MUCL3: variants seen among roughly 807,000 people sequenced by gnomAD.
MUCL3 encodes the protein mucin like 3, also known as mucin-like protein 3.
A neutral mutation model predicts 70.2 loss-of-function variants in MUCL3; 42 were observed. The observed-to-expected ratio is 0.60, with a 90% CI of 0.47 to 0.77. The LOEUF is 0.77. MUCL3 is among the 30% of genes least tolerant of loss of function. The pLI is 0.00. For synonymous variants in MUCL3, 522 were observed against 647.0 expected (o/e 0.81, Z 2.93); for missense variants, 1,429 against 1,670.0 (o/e 0.86, Z 2.52).
rs533477637 is a variant in MUCL3 at position 30,944,164 on chromosome 6, T to G, written c.82+3083T>G. Among the ~76,000 whole-genome samples, 22 of 152,308 alleles carry G rather than the reference T, an allele frequency of 1.4e-4. No individual in the cohort carries two copies. In the South Asian group the frequency reaches 4.6e-3, roughly 32 times the overall value. ...CTGACAGCGACTCCAAGGCATGAGTTGCTTAGCAAGATATTCTTTCTCCCT... is the reference window on the plus strand; with the variant it reads ...CTGACAGCGACTCCAAGGCATGAGTGGCTTAGCAAGATATTCTTTCTCCCT... On this transcript the variant is annotated intron_variant, in intron 1 of 2. Coordinates refer to ENST00000462446, the MANE Select transcript of MUCL3 (RefSeq NM_080870.4).
intron 1 of MUCL3, among the ~76,000 whole-genome samples, chr6:30,944,647 T>C (rs75787378): frequency 0.18 from 27,996 of 152,186 alleles, 3,436 homozygotes; most frequent in African/African-American, 0.35. Context: ...GTTTTGATGT[T>C]GTGGGATTTG....
rs748880874 is a variant in MUCL3 at position 30,953,131 on chromosome 6, G to A, written c.*14G>A. On this transcript the variant is annotated 3_prime_UTR_variant, in exon 3 of 3. Coordinates refer to ENST00000462446, the MANE Select transcript of MUCL3 (RefSeq NM_080870.4). ...TCCCCACGGTGATCTTGGAGTAGGC[G>A]CCCAGCCCTGGCTCTTCCATGCTCT... 43 of 1,612,972 alleles carry A rather than the reference G, an allele frequency of 2.7e-5. No individual in the cohort carries two copies. Among genetic ancestry groups the A allele is most frequent in the African/African-American group, 2.5e-4 (19 of 74,940 alleles).
chr6:30,941,477 T>TTTTTG (rs1795575412), intron 1 of MUCL3, among the ~76,000 whole-genome samples: 1 of 124,170 alleles, frequency 8.1e-6, no homozygotes. Flanking sequence ...TTTTTTTTTT[T>TTTTTG]GAGAAGGAGT....
In MUCL3 at chr6:30,950,306, C is replaced by T. The variant is rs536894879; in HGVS notation, c.1842C>T (p.Asn614=). The T allele has an allele frequency of 1.3e-6, 2 of 1,547,532 alleles. No homozygotes were observed. Among genetic ancestry groups the T allele is most frequent in the South Asian group, 1.2e-5 (1 of 83,892 alleles). ...AAAGGACTCCACTGGCCAATGAGAA[C>T]ACCACACCATCCCCGGCAGAGCCTA... The part of the protein sequence containing the change: ...HEERTPLANE[N]TTPSPAEPTE... The change falls in exon 2 of 3, where the codon AAC becomes AAT. Residue 614 remains asparagine, a synonymous_variant. Coordinates refer to ENST00000462446, the MANE Select transcript of MUCL3 (RefSeq NM_080870.4).
rs1415492185 is a variant in MUCL3, at chr6:30,952,189, T to C, written c.3725T>C (p.Ile1242Thr). The C allele has an allele frequency of 3.1e-6, 5 of 1,613,836 alleles. No individual in the cohort carries two copies. Among genetic ancestry groups the C allele is most frequent in the Admixed American group, 3.3e-5 (2 of 59,978 alleles). Residue 1242 changes from isoleucine to threonine, a missense_variant, in exon 2 of 3, where the codon ATA becomes ACA. Transcript: ENST00000462446. ...PEKTAAVTKT[I>T]KPSVKVTGDK... is the part of the protein sequence containing the mutation. ...AAAACAGCAGCAGTCACAAAGACTA[T>C]AAAACCTTCAGTCAAGGTCACAGGA...
intron 1 of MUCL3, among the ~76,000 whole-genome samples, chr6:30,947,446 G>A (rs1449786610): frequency 3.3e-5 from 5 of 152,008 alleles, no homozygotes; most frequent in Non-Finnish European, 7.4e-5. Flanking sequence ...TCCGGTTGCC[G>A]CCTTGAGCTA....
At chr6:30,948,023 T>G (rs144720649) in intron 1 of MUCL3, among the ~76,000 whole-genome samples, 1 of 152,250 alleles carries the variant, frequency 6.6e-6, no homozygotes, top group African/African-American at 2.4e-5. Context: ...AGTCTAACGT[T>G]TACTCCTGGT....
intron 1 of MUCL3, among the ~76,000 whole-genome samples, chr6:30,944,711 T>C (rs754386430): frequency 6.6e-6 from 1 of 152,254 alleles, no homozygotes; most frequent in African/African-American, 2.4e-5. Flanking sequence ...TGTGCTAAAG[T>C]TGGATTTTCC....
At position 30,941,054 on chromosome 6, in the gene MUCL3, CT is replaced by C; in HGVS notation, c.56del (p.Leu19ProfsTer4). 6.4e-7 allele frequency: 1 copy of C among 1,550,756 alleles called. No homozygotes were observed. The highest frequency in any genetic ancestry group is 8.7e-7 in the Non-Finnish European group (1 of 1,146,994). ...CSAFGLQCCL[L>X]FLLASWGAGA... is the part of the protein sequence containing the mutation. ...CGCCTTTGGCCTCCAGTGCTGCCTC[CT>C]CTTCCTTCTAGCTTCTTGGGGGGCA... On this transcript the variant is annotated frameshift_variant, in exon 1 of 3. Coordinates refer to ENST00000462446, the MANE Select transcript of MUCL3 (RefSeq NM_080870.4). LOFTEE classifies it high-confidence loss of function.
Position 30,951,138 on chromosome 6 carries a change from A to T in MUCL3, c.2674A>T (p.Lys892Ter). The change falls in exon 2 of 3, where the codon AAG becomes TAG. Residue 892 changes from lysine to a stop codon, truncating the protein, a stop_gained. Transcript: ENST00000462446. LOFTEE classifies it high-confidence loss of function. ...HEEMTPLANE[K>*]TTLSPAEPTE... ...AGAAATGACCCCATTGGCCAATGAG[A>T]AGACCACACTATCCCCAGCAGAGCC... 1 of 1,551,932 alleles carries T rather than the reference A, an allele frequency of 6.4e-7. No individual in the cohort carries two copies. Among genetic ancestry groups the T allele is most frequent in the Non-Finnish European group, 8.7e-7 (1 of 1,147,042 alleles).
chr6:30,945,473 TAAA>T (rs11441516), intron 1 of MUCL3, among the ~76,000 whole-genome samples: 3 of 114,138 alleles, frequency 2.6e-5, no homozygotes, highest in South Asian at 3.0e-4. Flanking sequence ...CCCTGCGTCT[TAAA>T]AAAAAAAAAA....
chr6:30,943,859 T>C (rs1582246026), intron 1 of MUCL3, among the ~76,000 whole-genome samples: 1 of 132,070 alleles, frequency 7.6e-6, no homozygotes, highest in South Asian at 2.4e-4. Context: ...TTAGCTTTCC[T>C]TTTTTTTTTT....
Position 30,952,396 on chromosome 6 carries a change from C to G in MUCL3, c.3932C>G (p.Ala1311Gly), listed in dbSNP as rs1760756406. The G allele has an allele frequency of 6.2e-7, 1 of 1,614,084 alleles. No individual in the cohort carries two copies. Among genetic ancestry groups the G allele is most frequent in the African/African-American group, 1.3e-5 (1 of 74,918 alleles). Residue 1311 changes from alanine to glycine, a missense_variant, in exon 2 of 3, where the codon GCT (alanine) becomes GGT (glycine). Ala to Gly is a moderately conservative substitution (Grantham distance 60). Transcript: ENST00000462446. ...NKDGSQKGIH[A>G]GQMGENDSFP... ...GATGGCTCACAGAAAGGTATCCACGCTGGACAGATGGGAGAGAATGATTCA... is the reference window on the plus strand; with the variant it reads ...GATGGCTCACAGAAAGGTATCCACGGTGGACAGATGGGAGAGAATGATTCA...
chr6:30,943,633 A>T (rs1315672891), intron 1 of MUCL3, among the ~76,000 whole-genome samples: 1 of 152,236 alleles, frequency 6.6e-6, no homozygotes, highest in Non-Finnish European at 1.5e-5. Flanking sequence ...ACCATCTGAG[A>T]GAGTACAGGT....
chr6:30,951,494 T>C lies in MUCL3; in HGVS notation c.3030T>C (p.Asn1010=), dbSNP rs1160120778. ...CAGAACATGGAGAAAGGACAGCCAATGAGAAGACCACACCATCCCCAGCAG... is the reference window on the plus strand; with the variant it reads ...CAGAACATGGAGAAAGGACAGCCAACGAGAAGACCACACCATCCCCAGCAG... ...ESTEHGERTA[N]EKTTPSPAEP... Residue 1010 remains asparagine, a synonymous_variant, in exon 2 of 3, where the codon AAT becomes AAC. Transcript: ENST00000462446. The C allele has an allele frequency of 1.9e-6, 3 of 1,550,440 alleles. No individual in the cohort carries two copies. The highest frequency in any genetic ancestry group is 2.6e-6 in the Non-Finnish European group (3 of 1,146,790).
Position 30,952,109 on chromosome 6 carries a change from C to G in MUCL3, c.3645C>G (p.Thr1215=), listed in dbSNP as rs975361900. 9 of 1,610,232 alleles carry G rather than the reference C, an allele frequency of 5.6e-6. No homozygotes were observed. The highest frequency in any genetic ancestry group is 7.6e-6 in the Non-Finnish European group (9 of 1,179,102). Reference sequence around the variant, plus strand: ...AGCCTACAGAAAACCTGGGGAACACCACACTGACCACTGAGACCATAAAAG... The same window carrying G: ...AGCCTACAGAAAACCTGGGGAACACGACACTGACCACTGAGACCATAAAAG... ...PEKPTENLGN[T]TLTTETIKAP... is the part of the protein sequence containing the mutation. Residue 1215 remains threonine (T), a synonymous_variant, in exon 2 of 3, where the codon ACC becomes ACG. Coordinates refer to ENST00000462446, the MANE Select transcript of MUCL3 (RefSeq NM_080870.4).
In MUCL3 at chr6:30,949,530, C is replaced by G. The variant is rs1016542016; in HGVS notation, c.1066C>G (p.Leu356Val). ...AATGACAGCCAATGAGAATACCACA[C>G]TATTCCCAGCAGAGCCTACAGAACA... is the stretch of plus-strand genomic sequence containing the variant. Reference protein sequence around the residue: ...REMTANENTTLFPAEPTEHGE... With the variant: ...REMTANENTTVFPAEPTEHGE... The change falls in exon 2 of 3, where the codon CTA becomes GTA. Residue 356 changes from leucine to valine, a missense_variant. Coordinates refer to ENST00000462446, the MANE Select transcript of MUCL3 (RefSeq NM_080870.4). 1.3e-6 allele frequency: 2 copies of G among 1,551,026 alleles called. No individual in the cohort carries two copies. The highest frequency in any genetic ancestry group is 2.7e-5 in the African/African-American group (2 of 72,772).
intron 1 of MUCL3, among the ~76,000 whole-genome samples, chr6:30,942,892 C>A: frequency 6.6e-6 from 1 of 151,636 alleles, no homozygotes; most frequent in East Asian, 1.9e-4. Context: ...AGGAGATAGG[C>A]GTGGCTGGGC....
chr6:30,949,677 A>G lies in MUCL3; in HGVS notation c.1213A>G (p.Arg405Gly). The G allele has an allele frequency of 1.9e-6, 3 of 1,550,040 alleles. No homozygotes were observed. Among genetic ancestry groups the G allele is most frequent in the Non-Finnish European group, 2.6e-6 (3 of 1,146,174 alleles). Residue 405 changes from arginine to glycine, a missense_variant, in exon 2 of 3, where the codon AGG becomes GGG. Arg to Gly is a moderately radical substitution (Grantham distance 125). Coordinates refer to ENST00000462446, the MANE Select transcript of MUCL3 (RefSeq NM_080870.4). Reference protein sequence around the residue: ...SPAEPTEHGERTPFANDKTTS... With the variant: ...SPAEPTEHGEGTPFANDKTTS... Reference sequence around the variant, plus strand: ...AGCAGAGCCTACAGAACATGGAGAAAGGACCCCATTTGCCAATGACAAAAC... The same window carrying G: ...AGCAGAGCCTACAGAACATGGAGAAGGGACCCCATTTGCCAATGACAAAAC...
Sources: allele counts gnomAD v4.1 joint callset (sites outside exome capture counted in the v4.1 genomes callset), GRCh38; gene constraint gnomAD v4.1.1; transcripts MANE v1.5; gene names NCBI Gene and HGNC (gene_info 2026-07-23, HGNC 2026-07-21).